The following KDM4C variants were observed in gnomAD, a reference collection of about 807,000 sequenced individuals.
KDM4C encodes the protein lysine-specific demethylase 4C.
In KDM4C, 81 loss-of-function variants were observed where a neutral mutation model predicts 129.3. That is an observed-to-expected ratio of 0.63 (90% CI 0.52 to 0.75). The LOEUF is 0.75. Ranked by LOEUF, KDM4C falls within the 30% of genes least tolerant of loss-of-function variation. The probability of loss-of-function intolerance (pLI) is 0.00; values close to 1 mark genes in which losing one functional copy is unlikely to be tolerated. For missense variants in KDM4C, 1,457 were observed against 1,304.0 expected, an observed-to-expected ratio of 1.12 and a Z score of -1.81; for synonymous variants, 573 against 456.1, an observed-to-expected ratio of 1.26 and a Z score of -3.26.
intron 1 of KDM4C, among the ~76,000 whole-genome samples, chr9:6,726,063 A>G (rs1326859708): frequency 2.0e-5 from 3 of 151,870 alleles, no homozygotes; most frequent in Non-Finnish European, 4.4e-5. Flanking sequence ...AGTAGCTGGG[A>G]TTACAGGTGC....
chr9:7,031,815 G>A (rs959364202), intron 15 of KDM4C, among the ~76,000 whole-genome samples: 7 of 152,152 alleles, frequency 4.6e-5, no homozygotes, highest in African/African-American at 1.4e-4. Context: ...GAACCAAAGT[G>A]AAGTCATTTG....
rs1214384722 is a variant in KDM4C at position 6,849,504 on chromosome 9, C to T, written c.436-3C>T. On this transcript the variant is annotated splice_polypyrimidine_tract_variant and splice_region_variant and intron_variant, in intron 4 of 21. Transcript: ENST00000381309. ...CTCTCTCTTTTTTTCTCTCTCATTC[C>T]AGGGTGTGGATGAATGGAACATAGC... The T allele has an allele frequency of 3.3e-6, 5 of 1,509,374 alleles. No individual in the cohort carries two copies. The highest frequency in any genetic ancestry group is 4.7e-5 in the East Asian group (2 of 42,118). 93.5% of individuals were successfully genotyped at this position (1,509,374 alleles called of 1,614,324 possible).
intron 2 of KDM4C, among the ~76,000 whole-genome samples, chr9:6,799,843 C>T (rs1828594175): frequency 6.6e-6 from 1 of 151,626 alleles, no homozygotes; most frequent in South Asian, 2.1e-4. Context: ...TTCAATATGT[C>T]ATCAAAATAG....
At chr9:6,749,522 A>G (rs1365843986) in intron 1 of KDM4C, among the ~76,000 whole-genome samples, 3 of 151,972 alleles carry the variant, frequency 2.0e-5, no homozygotes, top group Non-Finnish European at 4.4e-5. Context: ...AAAAAAATTA[A>G]CCAGACATGG....
intron 18 of KDM4C, among the ~76,000 whole-genome samples, chr9:7,113,488 C>T (rs1449496627): frequency 1.3e-5 from 2 of 152,018 alleles, no homozygotes; most frequent in African/African-American, 2.4e-5. Flanking sequence ...ATTTGTTTTC[C>T]CACTGCTGAT....
intron 17 of KDM4C, among the ~76,000 whole-genome samples, chr9:7,083,616 A>G (rs1834784194): frequency 6.6e-6 from 1 of 152,168 alleles, no homozygotes; most frequent in East Asian, 1.9e-4. Flanking sequence ...AAACATAGAA[A>G]AGATATAGCC....
intron 4 of KDM4C, among the ~76,000 whole-genome samples, chr9:6,818,713 T>TAA (rs1832548369): frequency 6.6e-6 from 1 of 152,184 alleles, no homozygotes; most frequent in Admixed American, 6.5e-5. Flanking sequence ...TGAGGCAGCT[T>TAA]AAGTACTGTT....
At chr9:6,732,411 C>T (rs532112604) in intron 1 of KDM4C, among the ~76,000 whole-genome samples, 4 of 134,310 alleles carry the variant, frequency 3.0e-5, no homozygotes, top group South Asian at 2.5e-4. Flanking sequence ...AGAATGAGGC[C>T]GGAAGTTGTG....
intron 8 of KDM4C, among the ~76,000 whole-genome samples, chr9:6,972,102 A>G (rs907380503): frequency 2.0e-5 from 3 of 152,164 alleles, no homozygotes; most frequent in Non-Finnish European, 2.9e-5. Context: ...GAAAATAACA[A>G]TGGGTACGAA....
intron 1 of KDM4C, among the ~76,000 whole-genome samples, chr9:6,722,954 G>A (rs1008469447): frequency 2.0e-4 from 31 of 152,048 alleles, no homozygotes; most frequent in African/African-American, 7.5e-4. Context: ...CTGCACTCTA[G>A]CCTGGGCAAC....
intron 8 of KDM4C, among the ~76,000 whole-genome samples, chr9:6,895,955 A>AT (rs1051570602): frequency 2.6e-5 from 4 of 151,902 alleles, no homozygotes; most frequent in East Asian, 1.9e-4. Context: ...CTGAGTTAGC[A>AT]TTTTTTTTAC....
intron 8 of KDM4C, chr9:6,902,521 C>G (rs1202278748): frequency 6.6e-6 from 1 of 152,150 alleles, no homozygotes; most frequent in African/African-American, 2.4e-5. Context: ...GCTTAGTTTT[C>G]CTACCTGTAA....
intron 18 of KDM4C, among the ~76,000 whole-genome samples, chr9:7,112,523 G>A (rs958722363): frequency 6.6e-6 from 1 of 152,130 alleles, no homozygotes; most frequent in African/African-American, 2.4e-5. Context: ...GATGTAGTGG[G>A]GAAGGGAGAG....
Position 7,013,805 on chromosome 9 carries a change from A to G in KDM4C, c.1986A>G (p.Glu662=). 1 of 1,613,908 alleles carries G rather than the reference A, an allele frequency of 6.2e-7. No individual in the cohort carries two copies. The highest frequency in any genetic ancestry group is 1.1e-5 in the South Asian group (1 of 91,066). ...TTTTTCAGCCAGATAGCAGCAATGA[A>G]GAAAATGATGCTAGATGGGAGACAA... is the stretch of plus-strand genomic sequence containing the variant. ...MPYHKPDSSN[E]ENDARWETKL... is the part of the protein sequence containing the mutation. The change falls in exon 14 of 22, where the codon GAA becomes GAG. Residue 662 remains glutamate, a synonymous_variant. Transcript: ENST00000381309.
At chr9:6,721,403 C>T (rs916630343) in intron 1 of KDM4C, among the ~76,000 whole-genome samples, 3 of 151,120 alleles carry the variant, frequency 2.0e-5, no homozygotes, top group Non-Finnish European at 4.4e-5. Flanking sequence ...TGTGCCTTTG[C>T]CTCCCAAGTA....
intron 8 of KDM4C, chr9:6,948,275 T>C (rs1166807877): frequency 1.3e-5 from 2 of 152,250 alleles, no homozygotes; most frequent in African/African-American, 2.4e-5. Flanking sequence ...ACTTGAATCA[T>C]CCTGCCATTC....
intron 8 of KDM4C, among the ~76,000 whole-genome samples, chr9:6,896,284 A>C (rs919685062): frequency 6.6e-6 from 1 of 152,170 alleles, no homozygotes; most frequent in African/African-American, 2.4e-5. Context: ...TACTATGAAA[A>C]TATGAGCACT....
rs148209914 is a variant in KDM4C, at chr9:7,087,996, GTAC to G, written c.2425-15684_2425-15682del. On this transcript the variant is annotated intron_variant, in intron 17 of 21. Coordinates refer to ENST00000381309, the MANE Select transcript of KDM4C (RefSeq NM_015061.6). Reference sequence around the variant, plus strand: ...GGCTTTGCACTAGAATTGCTTTGAGGTACTACTTATCAAAAATACAGATTTCTG... The same window carrying G: ...GGCTTTGCACTAGAATTGCTTTGAGGTACTTATCAAAAATACAGATTTCTG... Among the ~76,000 whole-genome samples, 264 of 152,296 alleles carry G rather than the reference GTAC, an allele frequency of 1.7e-3. 2 individuals are homozygous for G. The highest frequency in any genetic ancestry group is 5.9e-3 in the African/African-American group (247 of 41,558).
chr9:7,125,113 C>G (rs1314164834), intron 18 of KDM4C, among the ~76,000 whole-genome samples: 3 of 152,104 alleles, frequency 2.0e-5, no homozygotes, highest in Non-Finnish European at 4.4e-5. Context: ...GAACTGTTCT[C>G]CCCCACCCCC....
Sources: gnomAD v4.1 joint callset for allele counts (sites outside exome capture counted in the v4.1 genomes callset) on GRCh38, gnomAD v4.1.1 for gene constraint, MANE v1.5 for transcripts, NCBI Gene and HGNC (gene_info 2026-07-23, HGNC 2026-07-21) for gene names.